Variants in ADGRE2 observed in about 807,000 individuals in gnomAD.
The protein encoded by ADGRE2 is adhesion G protein-coupled receptor E2, also known as CD97 antigen.
A neutral mutation model predicts 100.8 loss-of-function variants in ADGRE2; 83 were observed. The observed-to-expected ratio is 0.82, with a 90% confidence interval of 0.69 to 0.99. The LOEUF (loss-of-function observed/expected upper bound fraction) is 0.99. Among genes scored for constraint, ADGRE2 ranks in the 50% least tolerant of loss-of-function variants. The pLI is 0.00. For missense variants in ADGRE2, 814 were observed against 1,035.7 expected, an observed-to-expected ratio of 0.79 and a Z score of 2.94; for synonymous variants, 355 against 413.0, an observed-to-expected ratio of 0.86 and a Z score of 1.70.
At chr19:14,763,345 A>C (rs1165688112) in intron 11 of ADGRE2, among the ~76,000 whole-genome samples, 1 of 151,984 alleles carries the variant, frequency 6.6e-6, no homozygotes, top group Non-Finnish European at 1.5e-5. Flanking sequence ...TCTGTCTCAA[A>C]AAAACAAAAC....
At chr19:14,758,613 A>G (rs2043582637) in intron 11 of ADGRE2, among the ~76,000 whole-genome samples, 1 of 152,164 alleles carries the variant, frequency 6.6e-6, no homozygotes, top group Non-Finnish European at 1.5e-5. Flanking sequence ...GGCTGGGCGC[A>G]GTGGCTCACG....
At chr19:14,767,428 A>G (rs1042003868) in intron 5 of ADGRE2, among the ~76,000 whole-genome samples, 1 of 151,574 alleles carries the variant, frequency 6.6e-6, no homozygotes, top group Non-Finnish European at 1.5e-5. Flanking sequence ...TTAGTATTAG[A>G]CGGGGTTTCA....
chr19:14,748,309 C>A (rs2043153653), intron 16 of ADGRE2, among the ~76,000 whole-genome samples: 1 of 47,744 alleles, frequency 2.1e-5, no homozygotes, highest in Non-Finnish European at 4.1e-5. Context: ...AGGACATGAT[C>A]TTGTTATTTT....
At chr19:14,744,013 G>C (rs1293835944) in intron 18 of ADGRE2, among the ~76,000 whole-genome samples, 1 of 152,156 alleles carries the variant, frequency 6.6e-6, no homozygotes, top group Non-Finnish European at 1.5e-5. Context: ...GCCAAGGCAG[G>C]CAGATCACCT....
At chr19:14,750,462 A>G (rs890175029) in intron 16 of ADGRE2, among the ~76,000 whole-genome samples, 1 of 152,130 alleles carries the variant, frequency 6.6e-6, no homozygotes, top group Non-Finnish European at 1.5e-5. Context: ...AACATCATAC[A>G]TTAATGAGGA....
Position 14,754,973 on chromosome 19 carries a change from A to G in ADGRE2, c.1571T>C (p.Met524Thr), listed in dbSNP as rs777582808. Residue 524 changes from methionine (M) to threonine (T), a missense_variant, in exon 14 of 21, where the codon ATG (methionine) becomes ACG (threonine). Met to Thr is a moderately conservative substitution (Grantham distance 81). Coordinates refer to ENST00000315576, the MANE Select transcript of ADGRE2 (RefSeq NM_013447.4). ...CTHLSSFAVL[M>T]AHYDVQEEDP... ...TCTCACCTGCACATCGTAGTGGGCC[A>G]TGAGGACGGCAAAGCTGCTCAGGTG... is the stretch of plus-strand genomic sequence containing the variant. The G allele has an allele frequency of 1.9e-6, 3 of 1,614,038 alleles. No individual in the cohort carries two copies. The highest frequency in any genetic ancestry group is 1.7e-5 in the Admixed American group (1 of 60,020).
chr19:14,737,222 C>T (rs936414341), intron 20 of ADGRE2, among the ~76,000 whole-genome samples: 1 of 149,600 alleles, frequency 6.7e-6, no homozygotes, highest in African/African-American at 2.5e-5. Context: ...GGGCCTTGCT[C>T]TGTCACCCAG....
chr19:14,739,097 G>A (rs1707305601), intron 20 of ADGRE2, among the ~76,000 whole-genome samples: 1 of 151,110 alleles, frequency 6.6e-6, no homozygotes, highest in South Asian at 2.1e-4. Flanking sequence ...AGCCTCCCAA[G>A]TAGCTGGAAT....
chr19:14,745,281 C>T (rs1390155193), intron 18 of ADGRE2, among the ~76,000 whole-genome samples: 2 of 152,060 alleles, frequency 1.3e-5, no homozygotes, highest in Admixed American at 6.6e-5. Flanking sequence ...TTTATTGATT[C>T]GTAATGTTTG....
chr19:14,729,169 C>T (rs528238092), downstream of ADGRE2, among the ~76,000 whole-genome samples: 3 of 152,268 alleles, frequency 2.0e-5, no homozygotes, highest in East Asian at 5.8e-4. Context: ...AGTTAACAGA[C>T]TGAACCTTTG....
intron 11 of ADGRE2, among the ~76,000 whole-genome samples, chr19:14,756,636 C>G (rs2043511636): frequency 6.6e-6 from 1 of 152,066 alleles, no homozygotes; most frequent in Non-Finnish European, 1.5e-5. Flanking sequence ...ACTAACAGCC[C>G]AGACCAGATG....
At position 14,746,979 on chromosome 19, in the gene ADGRE2, TA is replaced by T. The variant is rs34186967; in HGVS notation, c.2025-18del. 7.6e-6 allele frequency: 12 copies of T among 1,586,994 alleles called. No homozygotes were observed. The highest frequency in any genetic ancestry group is 3.4e-5 in the Admixed American group (2 of 58,776). ...AGCCAGCAGCTGAAAAAAGAGAGAT[TA>T]AAAAAAATGCATCAGTTTTTGGAGA... On this transcript the variant is annotated intron_variant, in intron 16 of 20. Transcript: ENST00000315576.
intron 20 of ADGRE2, among the ~76,000 whole-genome samples, chr19:14,738,626 C>T (rs2042829810): frequency 6.6e-6 from 1 of 152,118 alleles, no homozygotes; most frequent in Non-Finnish European, 1.5e-5. Context: ...GATCTGCCTG[C>T]CTCGGCCTCC....
At chr19:14,741,129 T>C (rs541377127) in intron 20 of ADGRE2, among the ~76,000 whole-genome samples, 2 of 143,486 alleles carry the variant, frequency 1.4e-5, no homozygotes, top group African/African-American at 5.3e-5. Flanking sequence ...TATTGCTGTG[T>C]TGCCCAGGGT....
intron 5 of ADGRE2, among the ~76,000 whole-genome samples, chr19:14,771,527 G>C (rs1026095674): frequency 2.0e-5 from 3 of 152,190 alleles, no homozygotes; most frequent in African/African-American, 7.2e-5. Flanking sequence ...GATGAGGCAG[G>C]CTGTGTCGAA....
chr19:14,729,938 T>C (rs868768269), downstream of ADGRE2, among the ~76,000 whole-genome samples: 2 of 152,230 alleles, frequency 1.3e-5, no homozygotes, highest in Non-Finnish European at 1.5e-5. Context: ...AGTTGTATAC[T>C]GGAAAGGGCA....
chr19:14,727,510 T>C (rs987641782), downstream of ADGRE2, among the ~76,000 whole-genome samples: 1 of 152,070 alleles, frequency 6.6e-6, no homozygotes, highest in Non-Finnish European at 1.5e-5. Context: ...CCATACTCTT[T>C]TAAACAACCT....
chr19:14,725,200 G>A, the ADGRE2 span, among the ~76,000 whole-genome samples: 3 of 152,078 alleles, frequency 2.0e-5, no homozygotes, highest in East Asian at 1.9e-4. Context: ...ACCAGATCTC[G>A]CATGAACTAC....
Position 14,734,361 on chromosome 19 carries a change from A to T in ADGRE2, c.*1875T>A, listed in dbSNP as rs554778692. 1 of 152,332 alleles carries T rather than the reference A, an allele frequency of 6.6e-6. No homozygotes were observed. Among genetic ancestry groups the T allele is most frequent in the East Asian group, 1.9e-4 (1 of 5,174 alleles). The allele number at this position is 152,332 out of a possible 1,614,324, so 9.4% of individuals were successfully genotyped here. On this transcript the variant is annotated 3_prime_UTR_variant, in exon 21 of 21. Coordinates refer to ENST00000315576, the MANE Select transcript of ADGRE2 (RefSeq NM_013447.4). Reference sequence around the variant, plus strand: ...TGAGACCCACGTCTCTACAAAAAATACAAAAATTAGCCCGGTGTGGTGGTA... The same window carrying T: ...TGAGACCCACGTCTCTACAAAAAATTCAAAAATTAGCCCGGTGTGGTGGTA...
Sources: gnomAD v4.1 joint callset for allele counts (sites outside exome capture counted in the v4.1 genomes callset) on GRCh38, gnomAD v4.1.1 for gene constraint, MANE v1.5 for transcripts, NCBI Gene and HGNC (gene_info 2026-07-23, HGNC 2026-07-21) for gene names.